CADM1: variants seen among roughly 807,000 people sequenced by gnomAD.
CADM1 encodes cell adhesion molecule 1.
CADM1 carries 15 observed loss-of-function variants against 53.1 expected under a neutral mutation model. The ratio of observed to expected loss-of-function variants is 0.28; its 90% CI spans 0.19 to 0.44. The LOEUF is 0.44. Ranked by LOEUF, CADM1 falls within the 20% of genes least tolerant of loss-of-function variation. The pLI, the probability that CADM1 is intolerant of heterozygous loss-of-function variation, is 1.00. For missense variants in CADM1, 434 were observed against 611.3 expected, an observed-to-expected ratio of 0.71 and a Z score of 3.06; for synonymous variants, 281 against 243.0, an observed-to-expected ratio of 1.16 and a Z score of -1.45.
rs144598547 is a variant in CADM1 at position 115,171,159 on chromosome 11, A to C, written c.*5315T>G. 138 of 152,316 alleles carry C rather than the reference A, an allele frequency of 9.1e-4. No homozygotes were observed. Among genetic ancestry groups the C allele is most frequent in the African/African-American group, 3.2e-3 (131 of 41,568 alleles). 9.4% of individuals were successfully genotyped at this position (152,316 alleles called of 1,614,324 possible). ...CTATACATGTATGGCTGTGAATACA[A>C]ATTTCACCCTGAAGGAATGTGGCTG... is the stretch of plus-strand genomic sequence containing the variant. On this transcript the variant is annotated 3_prime_UTR_variant, in exon 12 of 12. Coordinates refer to ENST00000331581, the MANE Select transcript of CADM1 (RefSeq NM_001301043.2).
intron 1 of CADM1, among the ~76,000 whole-genome samples, chr11:115,327,002 G>A (rs951097533): frequency 2.0e-5 from 3 of 152,036 alleles, no homozygotes; most frequent in African/African-American, 4.8e-5. Context: ...TAATAATAAT[G>A]CCAGCTACTA....
intron 8 of CADM1, among the ~76,000 whole-genome samples, chr11:115,206,514 A>G (rs756964628): frequency 4.7e-4 from 72 of 152,348 alleles, no homozygotes; most frequent in Non-Finnish European, 8.2e-4. Context: ...CAGGCGACTC[A>G]GAACAGAATG....
chr11:115,188,337 C>T (rs972290650), intron 10 of CADM1, among the ~76,000 whole-genome samples: 1 of 152,130 alleles, frequency 6.6e-6, no homozygotes, highest in Non-Finnish European at 1.5e-5. Flanking sequence ...CAAAGTAGAA[C>T]TGGGTAAGCT....
Position 115,324,994 on chromosome 11 carries a change from G to A in CADM1, c.125-84574C>T, listed in dbSNP as rs373134634. The stretch of plus-strand genomic sequence containing the variant: ...TTAAGTGCCCAGCTTCACATTAACA[G>A]TATGAACAGCTTCACTGCAGAGCTC... On this transcript the variant is annotated intron_variant, in intron 1 of 11. Coordinates refer to ENST00000331581, the MANE Select transcript of CADM1 (RefSeq NM_001301043.2). 1.5e-4 allele frequency among the ~76,000 whole-genome samples: 23 copies of A among 152,314 alleles called. No individual in the cohort carries two copies. In the East Asian group the frequency reaches 3.5e-3, roughly 23 times the overall value.
chr11:115,289,593 CTTTTTTT>C (rs56766047), intron 1 of CADM1, among the ~76,000 whole-genome samples: 2 of 109,032 alleles, frequency 1.8e-5, no homozygotes, highest in African/African-American at 3.6e-5. Flanking sequence ...CTTTTTTTTT[CTTTTTTT>C]TTTTTTTTTT....
intron 1 of CADM1, among the ~76,000 whole-genome samples, chr11:115,290,478 G>T (rs1405588442): frequency 2.0e-5 from 3 of 152,160 alleles, no homozygotes; most frequent in African/African-American, 7.2e-5. Flanking sequence ...CCTCATTTGT[G>T]ATTTTGAGTA....
chr11:115,482,730 C>T (rs1591292294), intron 1 of CADM1, among the ~76,000 whole-genome samples: 1 of 152,278 alleles, frequency 6.6e-6, no homozygotes, highest in Middle Eastern at 3.4e-3. Context: ...AGCTGACAAT[C>T]TCACAGAATC....
intron 1 of CADM1, among the ~76,000 whole-genome samples, chr11:115,404,362 T>C (rs1360982407): frequency 3.1e-5 from 1 of 32,636 alleles, no homozygotes; most frequent in South Asian, 8.5e-4. Flanking sequence ...TATATATATA[T>C]ATATATATAT....
At chr11:115,426,716 C>T (rs1292867296) in intron 1 of CADM1, among the ~76,000 whole-genome samples, 1 of 152,054 alleles carries the variant, frequency 6.6e-6, no homozygotes, top group African/African-American at 2.4e-5. Flanking sequence ...CCCCCTTTAC[C>T]CCCTCTGGGC....
At chr11:115,230,487 A>G (rs1941776049) in intron 4 of CADM1, among the ~76,000 whole-genome samples, 2 of 152,212 alleles carry the variant, frequency 1.3e-5, no homozygotes, top group South Asian at 2.1e-4. Flanking sequence ...TGTGCAGGGT[A>G]CTACCTGCAG....
Position 115,209,637 on chromosome 11 carries a change from G to A in CADM1, c.1015C>T (p.Pro339Ser), listed in dbSNP as rs2134734809. 1.9e-6 allele frequency: 3 copies of A among 1,612,932 alleles called. No individual in the cohort carries two copies. Among genetic ancestry groups the A allele is most frequent in the Admixed American group, 1.7e-5 (1 of 59,972 alleles). ...YVYDPPTTIP[P>S]PTTTTTTTTT... ...GTGGTGGTGGTGGTTGTTGTGGGAG[G>A]AGGGATAGTTGTGGGGGGATCTGGA... The change falls in exon 8 of 12, where the codon CCT (proline) becomes TCT (serine). Residue 339 changes from proline (P) to serine (S), a missense_variant. Pro to Ser is a moderately conservative substitution (Grantham distance 74). Transcript: ENST00000331581.
At chr11:115,355,402 A>G (rs927786284) in intron 1 of CADM1, among the ~76,000 whole-genome samples, 3 of 152,180 alleles carry the variant, frequency 2.0e-5, no homozygotes, top group Non-Finnish European at 4.4e-5. Flanking sequence ...CAGTAGGAGC[A>G]AAGTGATGAG....
chr11:115,503,563 C>G (rs1288681415), intron 1 of CADM1, among the ~76,000 whole-genome samples: 4 of 152,168 alleles, frequency 2.6e-5, no homozygotes, highest in African/African-American at 7.2e-5. Context: ...CAGCGGCCGC[C>G]CCCCCCGCGG....
intron 1 of CADM1, among the ~76,000 whole-genome samples, chr11:115,404,611 TA>T (rs1947265647): frequency 6.7e-6 from 1 of 148,336 alleles, no homozygotes; most frequent in African/African-American, 2.5e-5. Context: ...ATAACATAAA[TA>T]AAAATAAAAA....
At chr11:115,193,824 G>T (rs975385993) in intron 9 of CADM1, 1 of 151,980 alleles carries the variant, frequency 6.6e-6, no homozygotes, top group African/African-American at 2.4e-5. Context: ...AGTAGGCGAT[G>T]GTCTCTCTCT....
At chr11:115,328,183 C>A (rs879431579) in intron 1 of CADM1, among the ~76,000 whole-genome samples, 1 of 151,912 alleles carries the variant, frequency 6.6e-6, no homozygotes, top group Non-Finnish European at 1.5e-5. Flanking sequence ...TATGAAGACA[C>A]CCAGAACGAA....
At chr11:115,254,874 C>T (rs544157724) in intron 1 of CADM1, among the ~76,000 whole-genome samples, 1 of 152,188 alleles carries the variant, frequency 6.6e-6, no homozygotes, top group African/African-American at 2.4e-5. Context: ...ATCTTGTAAT[C>T]AATAGGGGGC....
chr11:115,237,052 G>C (rs1261793144), intron 3 of CADM1, among the ~76,000 whole-genome samples: 2 of 152,154 alleles, frequency 1.3e-5, no homozygotes, highest in African/African-American at 4.8e-5. Context: ...ACGATGATGA[G>C]TCAAAGGGTG....
chr11:115,175,766 G>A lies in CADM1; in HGVS notation c.*708C>T. Reference sequence around the variant, plus strand: ...GCAGATAACCCTGTACAGTAATGTAGTTCCACAGCAAACAGAACATTTTCT... The same window carrying A: ...GCAGATAACCCTGTACAGTAATGTAATTCCACAGCAAACAGAACATTTTCT... On this transcript the variant is annotated 3_prime_UTR_variant, in exon 12 of 12. Transcript: ENST00000331581. 1 of 993,336 alleles carries A rather than the reference G, an allele frequency of 1.0e-6. No individual in the cohort carries two copies. The highest frequency in any genetic ancestry group is 1.2e-6 in the Non-Finnish European group (1 of 834,664). The allele number at this position is 993,336 out of a possible 1,614,324, so 61.5% of individuals were successfully genotyped here. A position where few individuals can be genotyped will look rare whatever the true frequency, so the allele number is the denominator to read the frequency against.
Sources: gnomAD v4.1 joint callset for allele counts (sites outside exome capture counted in the v4.1 genomes callset) on GRCh38, gnomAD v4.1.1 for gene constraint, MANE v1.5 for transcripts, NCBI Gene and HGNC (gene_info 2026-07-23, HGNC 2026-07-21) for gene names.